Variants in CCSER1 observed in about 807,000 individuals in gnomAD.
The protein encoded by CCSER1 is serine-rich coiled-coil domain-containing protein 1.
CCSER1 carries 41 observed loss-of-function variants against 82.0 expected under a neutral mutation model. That is an observed-to-expected ratio of 0.50 (90% CI 0.39 to 0.65). The LOEUF (loss-of-function observed/expected upper bound fraction) is 0.65, where lower values mean the gene tolerates loss of function less well. Among genes scored for constraint, CCSER1 ranks in the 30% least tolerant of loss-of-function variants. The pLI is 0.00. For synonymous variants in CCSER1, 414 were observed against 383.9 expected, an observed-to-expected ratio of 1.08 and a Z score of -0.92; for missense variants, 1,119 against 1,064.2, an observed-to-expected ratio of 1.05 and a Z score of -0.72.
At chr4:91,053,265 A>C (rs1743161715) in intron 9 of CCSER1, among the ~76,000 whole-genome samples, 1 of 152,212 alleles carries the variant, frequency 6.6e-6, no homozygotes, top group African/African-American at 2.4e-5. Context: ...CAACAACAGG[A>C]CAACTCTTTC....
At chr4:90,459,775 A>G (rs1181293598) in intron 4 of CCSER1, among the ~76,000 whole-genome samples, 2 of 152,164 alleles carry the variant, frequency 1.3e-5, no homozygotes, top group East Asian at 1.9e-4. Flanking sequence ...TTTACTTTAC[A>G]ATTAGTAGGG....
At chr4:91,032,226 G>A (rs905494368) in intron 9 of CCSER1, among the ~76,000 whole-genome samples, 8 of 152,164 alleles carry the variant, frequency 5.3e-5, no homozygotes, top group East Asian at 1.9e-4. Context: ...CTGTGGGGGC[G>A]AATATGTTAA....
intron 3 of CCSER1, among the ~76,000 whole-genome samples, chr4:90,349,715 T>G (rs1284702203): frequency 1.4e-5 from 2 of 145,730 alleles, no homozygotes. Context: ...TAACAGTGCT[T>G]AACTCTATTA....
intron 6 of CCSER1, among the ~76,000 whole-genome samples, chr4:90,675,537 G>A (rs1222646659): frequency 6.6e-6 from 1 of 151,712 alleles, no homozygotes; most frequent in Non-Finnish European, 1.5e-5. Context: ...TATATCTTAT[G>A]GGTAGACCAA....
chr4:91,525,400 A>AT (rs1334138735), intron 10 of CCSER1, among the ~76,000 whole-genome samples: 5 of 152,064 alleles, frequency 3.3e-5, no homozygotes, highest in African/African-American at 4.8e-5. Context: ...TTCTAAGATT[A>AT]TTTTTTGGGC....
Position 90,135,513 on chromosome 4 carries a change from G to A in CCSER1, c.-42+7682G>A, listed in dbSNP as rs1018155968. On this transcript the variant is annotated intron_variant, in intron 1 of 10. Transcript: ENST00000509176. ...CTCCAAACATTGCTAGCTCTTAGAA[G>A]TATGCTTCATTTCAATACTCACTCT... Among the ~76,000 whole-genome samples, 78 of 152,298 alleles carry A rather than the reference G, an allele frequency of 5.1e-4. 1 individual carries two copies. The highest frequency in any genetic ancestry group is 1.7e-3 in the African/African-American group (72 of 41,576).
chr4:90,598,522 A>G (rs1335001714), intron 5 of CCSER1, among the ~76,000 whole-genome samples: 1 of 152,222 alleles, frequency 6.6e-6, no homozygotes, highest in African/African-American at 2.4e-5. Context: ...TGTGTGAGGT[A>G]ATGCTTCACA....
At chr4:91,027,585 A>T (rs1376033459) in intron 9 of CCSER1, among the ~76,000 whole-genome samples, 1 of 152,038 alleles carries the variant, frequency 6.6e-6, no homozygotes, top group Admixed American at 6.6e-5. Context: ...GCTACCTGTC[A>T]TTCTCACAGC....
At chr4:91,228,410 C>A (rs1232703470) in intron 10 of CCSER1, among the ~76,000 whole-genome samples, 3 of 151,826 alleles carry the variant, frequency 2.0e-5, no homozygotes, top group Admixed American at 6.6e-5. Context: ...TTTTCAATTT[C>A]TTGCATAAGT....
At chr4:90,917,030 G>A (rs1017264277) in intron 8 of CCSER1, among the ~76,000 whole-genome samples, 1 of 152,190 alleles carries the variant, frequency 6.6e-6, no homozygotes, top group Admixed American at 6.5e-5. Context: ...TGCTGGAGAG[G>A]ATGTGGAGAA....
rs1578895827 is a variant in CCSER1 at position 91,600,459 on chromosome 4, T to C, written c.*1402T>C. 1 of 152,176 alleles carries C rather than the reference T, an allele frequency of 6.6e-6. No homozygotes were observed. Among genetic ancestry groups the C allele is most frequent in the South Asian group, 2.1e-4 (1 of 4,838 alleles). The allele number at this position is 152,176 out of a possible 1,614,324, so 9.4% of individuals were successfully genotyped here. A position where few individuals can be genotyped will look rare whatever the true frequency, so the allele number is the denominator to read the frequency against. ...TGCAAATTGAAACTGTCATACCTAC[T>C]GCATGATCTGTTTCCCTTGCATTTT... is the stretch of plus-strand genomic sequence containing the variant. On this transcript the variant is annotated 3_prime_UTR_variant, in exon 11 of 11. Coordinates refer to ENST00000509176, the MANE Select transcript of CCSER1 (RefSeq NM_001145065.2).
chr4:90,488,525 C>G (rs1188659090), intron 5 of CCSER1, among the ~76,000 whole-genome samples: 1 of 152,080 alleles, frequency 6.6e-6, no homozygotes, highest in Non-Finnish European at 1.5e-5. Flanking sequence ...ATCAAGAAAG[C>G]CTCATACATC....
intron 10 of CCSER1, among the ~76,000 whole-genome samples, chr4:91,351,655 A>G (rs1303807701): frequency 6.6e-6 from 1 of 152,108 alleles, no homozygotes; most frequent in Non-Finnish European, 1.5e-5. Flanking sequence ...GGATCATTTT[A>G]GATATGTTCT....
At chr4:90,440,530 A>T (rs1395730962) in intron 4 of CCSER1, among the ~76,000 whole-genome samples, 1 of 152,230 alleles carries the variant, frequency 6.6e-6, no homozygotes, top group Non-Finnish European at 1.5e-5. Context: ...GGCTACAAGA[A>T]TCAATAGCAA....
chr4:91,477,557 A>G (rs1757662500), intron 10 of CCSER1, among the ~76,000 whole-genome samples: 1 of 151,908 alleles, frequency 6.6e-6, no homozygotes, highest in Middle Eastern at 3.4e-3. Flanking sequence ...TAGGTTTAAT[A>G]ACATTATAGC....
intron 7 of CCSER1, among the ~76,000 whole-genome samples, chr4:90,765,654 C>T (rs1286098963): frequency 6.6e-6 from 1 of 151,862 alleles, no homozygotes; most frequent in Non-Finnish European, 1.5e-5. Flanking sequence ...GTTGCAAAGT[C>T]AATTAAGCTA....
chr4:90,810,832 C>CTTTTTTTTTT (rs375997127), intron 7 of CCSER1, among the ~76,000 whole-genome samples: 3 of 113,600 alleles, frequency 2.6e-5, no homozygotes, highest in Admixed American at 1.0e-4. Flanking sequence ...AAGAGTAATT[C>CTTTTTTTTTT]TTTTTTTTTT....
chr4:90,962,073 A>G (rs1734103904), intron 9 of CCSER1, among the ~76,000 whole-genome samples: 1 of 152,082 alleles, frequency 6.6e-6, no homozygotes, highest in African/African-American at 2.4e-5. Flanking sequence ...CTTTGAGAAA[A>G]TATTTATCCC....
chr4:90,543,842 G>T (rs1776408601), intron 5 of CCSER1, among the ~76,000 whole-genome samples: 1 of 152,084 alleles, frequency 6.6e-6, no homozygotes, highest in Non-Finnish European at 1.5e-5. Context: ...TGAAGACATG[G>T]TGAATAATTG....
Sources: allele counts gnomAD v4.1 joint callset (sites outside exome capture counted in the v4.1 genomes callset), GRCh38; gene constraint gnomAD v4.1.1; transcripts MANE v1.5; gene names NCBI Gene and HGNC (gene_info 2026-07-23, HGNC 2026-07-21).